Variants in SLC37A3 observed in about 807,000 individuals in gnomAD.
SLC37A3 encodes sugar phosphate exchanger 3.
Under a neutral mutation model 67.1 loss-of-function variants are expected in SLC37A3, and 51 were observed. The observed-to-expected ratio is 0.76, with a 90% CI of 0.61 to 0.96. The LOEUF (loss-of-function observed/expected upper bound fraction) is 0.96, where lower values mean the gene tolerates loss of function less well. Ranked by LOEUF, SLC37A3 falls within the 40% of genes least tolerant of loss-of-function variation. The pLI, the probability that SLC37A3 is intolerant of heterozygous loss-of-function variation, is 0.00. For synonymous variants in SLC37A3, 214 were observed against 231.4 expected (o/e 0.92, Z 0.68); for missense variants, 508 against 603.0 (o/e 0.84, Z 1.65).
At chr7:140,373,883 A>T (rs1326986547) in intron 3 of SLC37A3, among the ~76,000 whole-genome samples, 1 of 152,098 alleles carries the variant, frequency 6.6e-6, no homozygotes, top group Non-Finnish European at 1.5e-5. Flanking sequence ...ATTAACAGAC[A>T]CGAAGTGATG....
intron 10 of SLC37A3, 41 bp downstream of exon 10, chr7:140,348,585 G>A: frequency 2.5e-6 from 4 of 1,573,342 alleles, no homozygotes; most frequent in East Asian, 2.3e-5. Flanking sequence ...GATCACTAGT[G>A]ACTAACTCTT....
chr7:140,345,087 C>A, intron 12 of SLC37A3, 129 bp downstream of exon 12: 6 of 727,290 alleles, frequency 8.2e-6, no homozygotes, highest in Non-Finnish European at 8.9e-6. Flanking sequence ...AGGCGTTTTT[C>A]CTTTTAAAAT....
At position 140,337,274 on chromosome 7, in the gene SLC37A3, AC is replaced by A; in HGVS notation, c.1392+9del. The A allele has an allele frequency of 6.3e-7, 1 of 1,580,096 alleles. No individual in the cohort carries two copies. Among genetic ancestry groups the A allele is most frequent in the African/African-American group, 1.4e-5 (1 of 72,818 alleles). ...ATGACTTTTTTTTTTTTAAAGGGGC[AC>A]ACACTTACCATGAGAATGAAAAAGT... On this transcript the variant is annotated intron_variant, in intron 14 of 14. Coordinates refer to ENST00000326232, the MANE Select transcript of SLC37A3 (RefSeq NM_207113.3).
intron 1 of SLC37A3, among the ~76,000 whole-genome samples, chr7:140,396,894 GTT>G (rs55939918): frequency 1.3e-4 from 14 of 104,266 alleles, no homozygotes; most frequent in African/African-American, 2.2e-4. Context: ...TTTTTTTTTT[GTT>G]TTTTTTTTTT....
chr7:140,389,546 T>A (rs923132159), intron 1 of SLC37A3, among the ~76,000 whole-genome samples: 1 of 152,140 alleles, frequency 6.6e-6, no homozygotes, highest in Admixed American at 6.5e-5. Flanking sequence ...TGAGTAATAA[T>A]AAAACTCCCA....
intron 7 of SLC37A3, among the ~76,000 whole-genome samples, chr7:140,353,402 G>A (rs1481281796): frequency 1.3e-5 from 2 of 151,558 alleles, no homozygotes; most frequent in East Asian, 3.9e-4. Flanking sequence ...AGAATCTCCT[G>A]AACCCAGGAG....
intron 11 of SLC37A3, 75 bp from the exon 12 acceptor site, chr7:140,345,338 A>G: frequency 8.8e-7 from 1 of 1,130,712 alleles, no homozygotes; most frequent in Admixed American, 1.8e-5. Flanking sequence ...CCGTACGCGA[A>G]GATCTGAATC....
Position 140,377,557 on chromosome 7 carries a change from C to T in SLC37A3, c.198+2725G>A, listed in dbSNP as rs186057361. Among the ~76,000 whole-genome samples, 505 of 152,168 alleles carry T rather than the reference C, an allele frequency of 3.3e-3. 1 individual carries two copies. The highest frequency in any genetic ancestry group is 4.9e-3 in the Non-Finnish European group (336 of 67,998). On this transcript the variant is annotated intron_variant, in intron 3 of 14. Transcript: ENST00000326232. ...TTTACTCACTATTTCCAATGTTTGT[C>T]GATGTCAGTGAACCCATTATAAATT...
intron 1 of SLC37A3, among the ~76,000 whole-genome samples, chr7:140,395,188 C>T (rs1257689210): frequency 6.8e-6 from 1 of 146,932 alleles, no homozygotes; most frequent in East Asian, 2.1e-4. Context: ...CCAGCCTGGC[C>T]AAAATGGTGA....
chr7:140,381,730 A>G (rs1798261389), intron 2 of SLC37A3, among the ~76,000 whole-genome samples: 2 of 151,986 alleles, frequency 1.3e-5, no homozygotes, highest in Non-Finnish European at 2.9e-5. Flanking sequence ...TAACAAATAG[A>G]GGACTTCTCT....
rs1796801715 is a variant in SLC37A3, at chr7:140,351,541, T to G, written c.704-90A>C. 9.0e-6 allele frequency: 12 copies of G among 1,338,734 alleles called. No individual in the cohort carries two copies. In the South Asian group the frequency reaches 1.6e-4, roughly 18 times the overall value. 82.9% of individuals were successfully genotyped at this position (1,338,734 alleles called of 1,614,324 possible). A position where few individuals can be genotyped will look rare whatever the true frequency, so the allele number is the denominator to read the frequency against. On this transcript the variant is annotated intron_variant, in intron 8 of 14. Coordinates refer to ENST00000326232, the MANE Select transcript of SLC37A3 (RefSeq NM_207113.3). ...TCCCTACTTATGAGGTGATGTTATT[T>G]TTATTTCCATTTTACAGAAGCAGCA...
chr7:140,345,049 A>G (rs1378143600), intron 12 of SLC37A3, among the ~76,000 whole-genome samples, 167 bp downstream of exon 12: 1 of 152,234 alleles, frequency 6.6e-6, no homozygotes, highest in Non-Finnish European at 1.5e-5. Context: ...CATGTAAGAA[A>G]CAGCAGAGAA....
chr7:140,380,695 C>T (rs1397687117), intron 2 of SLC37A3, among the ~76,000 whole-genome samples: 3 of 151,772 alleles, frequency 2.0e-5, no homozygotes, highest in Admixed American at 2.0e-4. Context: ...GGGCACTCTA[C>T]CACGCCCAGT....
chr7:140,350,238 G>C (rs964367489), intron 9 of SLC37A3, among the ~76,000 whole-genome samples: 1 of 152,056 alleles, frequency 6.6e-6, no homozygotes, highest in Non-Finnish European at 1.5e-5. Context: ...ACACACGGAC[G>C]GGTTGCGTGA....
chr7:140,365,386 C>G (rs868659222), intron 4 of SLC37A3, among the ~76,000 whole-genome samples: 2 of 151,784 alleles, frequency 1.3e-5, no homozygotes, highest in African/African-American at 2.4e-5. Context: ...GCCAATAGTT[C>G]AAGACCAAAC....
intron 1 of SLC37A3, among the ~76,000 whole-genome samples, chr7:140,394,026 C>T (rs1166049767): frequency 6.6e-6 from 1 of 152,018 alleles, no homozygotes; most frequent in Non-Finnish European, 1.5e-5. Flanking sequence ...CAAAAATCAG[C>T]GGGGCATGCT....
chr7:140,356,500 G>A (rs1209969630), intron 6 of SLC37A3, among the ~76,000 whole-genome samples: 1 of 151,992 alleles, frequency 6.6e-6, no homozygotes, highest in Admixed American at 6.6e-5. Flanking sequence ...TGACCAACAC[G>A]GCGAAACCCC....
intron 1 of SLC37A3, among the ~76,000 whole-genome samples, chr7:140,392,953 G>A (rs1309532934): frequency 1.3e-5 from 2 of 152,040 alleles, no homozygotes; most frequent in Non-Finnish European, 2.9e-5. Flanking sequence ...TTATCCAGAA[G>A]CAGTGGCATG....
intron 3 of SLC37A3, among the ~76,000 whole-genome samples, chr7:140,377,450 T>G (rs1798079356): frequency 6.6e-6 from 1 of 152,216 alleles, no homozygotes; most frequent in Non-Finnish European, 1.5e-5. Context: ...GTACAAATTT[T>G]TATTATAGTT....
Sources: allele counts gnomAD v4.1 joint callset (sites outside exome capture counted in the v4.1 genomes callset), GRCh38; gene constraint gnomAD v4.1.1; transcripts MANE v1.5; gene names NCBI Gene and HGNC (gene_info 2026-07-23, HGNC 2026-07-21).